PALM2AKAP2: variants seen among roughly 807,000 people sequenced by gnomAD.
PALM2AKAP2 encodes the protein PALM2-AKAP2 fusion protein.
Under a neutral mutation model 71.5 loss-of-function variants are expected in PALM2AKAP2, and 37 were observed. That is an observed-to-expected ratio of 0.52 (90% CI 0.40 to 0.68). PALM2AKAP2 has a LOEUF of 0.68. Ranked by LOEUF, PALM2AKAP2 falls within the 30% of genes least tolerant of loss-of-function variation. The pLI, the probability that PALM2AKAP2 is intolerant of heterozygous loss-of-function variation, is 0.00. For synonymous variants in PALM2AKAP2, 468 were observed against 478.8 expected (o/e 0.98, Z 0.29); for missense variants, 1,224 against 1,191.8 (o/e 1.03, Z -0.40).
chr9:110,035,922 ATT>A (rs1413726306), intron 7 of PALM2AKAP2, among the ~76,000 whole-genome samples: 1 of 150,566 alleles, frequency 6.6e-6, no homozygotes, highest in East Asian at 1.9e-4. Flanking sequence ...TGATATATAT[ATT>A]GTTTTGGTGA....
chr9:110,068,643 C>A (rs1236014217), intron 1 of PALM2AKAP2, among the ~76,000 whole-genome samples: 1 of 152,056 alleles, frequency 6.6e-6, no homozygotes, highest in Admixed American at 6.6e-5. Context: ...GCGATCCTCC[C>A]ACCTCAGCCT....
intron 1 of PALM2AKAP2, among the ~76,000 whole-genome samples, chr9:109,737,239 C>A (rs577251602): frequency 2.0e-5 from 3 of 152,224 alleles, no homozygotes; most frequent in Non-Finnish European, 2.9e-5. Flanking sequence ...AATGTGAGCA[C>A]CAGTGGTCAG....
rs1835810234 is a variant in PALM2AKAP2, at chr9:110,134,775, C to T, written c.157-1352C>T. Among the ~76,000 whole-genome samples, 2 of 152,072 alleles carry T rather than the reference C, an allele frequency of 1.3e-5. 1 individual carries two copies. Among genetic ancestry groups the T allele is most frequent in the South Asian group, 4.1e-4 (2 of 4,826 alleles). Reference sequence around the variant, plus strand: ...CTTAGATAAATGAAAATTACACTCTCTTGCAATTTTGCATTGTCCTATGTC... The same window carrying T: ...CTTAGATAAATGAAAATTACACTCTTTTGCAATTTTGCATTGTCCTATGTC... On this transcript the variant is annotated intron_variant, in intron 1 of 3. Transcript: ENST00000374525.
intron 1 of PALM2AKAP2, among the ~76,000 whole-genome samples, chr9:110,101,440 G>T (rs928828454): frequency 5.3e-5 from 8 of 151,970 alleles, no homozygotes; most frequent in African/African-American, 1.9e-4. Context: ...ACAAATAGAG[G>T]TTAGGGAAAT....
chr9:110,147,359 C>T (rs79248684), intron 2 of PALM2AKAP2, among the ~76,000 whole-genome samples: 2,232 of 152,190 alleles, frequency 0.015, 69 homozygotes, highest in African/African-American at 0.051. Context: ...CTACCACTTG[C>T]TAGCTTTGTG....
intron 1 of PALM2AKAP2, among the ~76,000 whole-genome samples, chr9:109,710,968 C>T (rs1828226019): frequency 1.3e-5 from 2 of 152,138 alleles, no homozygotes; most frequent in Admixed American, 1.3e-4. Context: ...ATCTACACTG[C>T]ATGTTTATTC....
intron 6 of PALM2AKAP2, among the ~76,000 whole-genome samples, chr9:109,968,367 G>C (rs549449173): frequency 2.0e-5 from 3 of 152,152 alleles, no homozygotes; most frequent in Non-Finnish European, 4.4e-5. Context: ...AAATCAACAA[G>C]AGCTATTTTG....
intron 1 of PALM2AKAP2, among the ~76,000 whole-genome samples, chr9:109,764,163 C>T (rs1397310993): frequency 6.6e-6 from 1 of 152,142 alleles, no homozygotes; most frequent in Non-Finnish European, 1.5e-5. Flanking sequence ...AACCCATTCT[C>T]AGTAAAGTAT....
At chr9:109,726,035 C>T (rs1467652836) in intron 1 of PALM2AKAP2, among the ~76,000 whole-genome samples, 1 of 152,190 alleles carries the variant, frequency 6.6e-6, no homozygotes, top group Non-Finnish European at 1.5e-5. Context: ...TGCCCATCAC[C>T]CAGGAGGACT....
intron 1 of PALM2AKAP2, among the ~76,000 whole-genome samples, chr9:109,723,589 A>G (rs1404835244): frequency 6.6e-6 from 1 of 152,258 alleles, no homozygotes; most frequent in East Asian, 1.9e-4. Flanking sequence ...CTAAGGGGAT[A>G]CTGTCCTTGA....
intron 3 of PALM2AKAP2, among the ~76,000 whole-genome samples, chr9:110,164,062 AAT>A (rs988520010): frequency 1.3e-5 from 2 of 152,220 alleles, no homozygotes; most frequent in African/African-American, 4.8e-5. Flanking sequence ...GATTATCAGT[AAT>A]TTTCTTTCAT....
chr9:109,645,462 A>G (rs551496523), intron 1 of PALM2AKAP2, among the ~76,000 whole-genome samples: 18 of 152,242 alleles, frequency 1.2e-4, no homozygotes, highest in African/African-American at 4.3e-4. Flanking sequence ...TTCCAATTTA[A>G]AATGAAACCT....
chr9:110,023,202 A>G (rs1246070079), intron 7 of PALM2AKAP2, among the ~76,000 whole-genome samples: 1 of 151,746 alleles, frequency 6.6e-6, no homozygotes, highest in Non-Finnish European at 1.5e-5. Context: ...CCAACAGTGT[A>G]AAAGTGTTCC....
chr9:110,025,389 G>A (rs1833160848), intron 7 of PALM2AKAP2: 12 of 799,562 alleles, frequency 1.5e-5, no homozygotes, highest in East Asian at 1.2e-4. Context: ...TGGAGGTTCC[G>A]CCCGAAAGGC....
At chr9:109,800,821 C>A (rs1400808785) in intron 1 of PALM2AKAP2, among the ~76,000 whole-genome samples, 1 of 152,092 alleles carries the variant, frequency 6.6e-6, no homozygotes, top group Non-Finnish European at 1.5e-5. Flanking sequence ...ATACAATTTC[C>A]TTTTATAGTC....
At chr9:109,807,923 G>T (rs560964118) in intron 1 of PALM2AKAP2, among the ~76,000 whole-genome samples, 2 of 152,268 alleles carry the variant, frequency 1.3e-5, no homozygotes, top group Admixed American at 6.5e-5. Flanking sequence ...GCTTTTTCCT[G>T]TTTTGCTGGG....
At chr9:110,156,474 C>T (rs953181791) in exon 3 of PALM2AKAP2, 7 of 1,608,998 alleles carry the variant, frequency 4.4e-6, no homozygotes, top group African/African-American at 1.3e-5. Context: ...ATCTAAAAGG[C>T]GCGAGAGAAT....
chr9:109,857,246 C>T (rs1238441246), intron 1 of PALM2AKAP2, among the ~76,000 whole-genome samples: 1 of 152,208 alleles, frequency 6.6e-6, no homozygotes, highest in Non-Finnish European at 1.5e-5. Flanking sequence ...TGAGAACCTT[C>T]CCAACTGCTG....
At chr9:110,163,085 A>G (rs1836644290) in intron 3 of PALM2AKAP2, among the ~76,000 whole-genome samples, 1 of 152,156 alleles carries the variant, frequency 6.6e-6, no homozygotes, top group African/African-American at 2.4e-5. Flanking sequence ...ATGAGAAGGC[A>G]TAATATTTTT....
Sources: gnomAD v4.1 joint callset for allele counts (sites outside exome capture counted in the v4.1 genomes callset) on GRCh38, gnomAD v4.1.1 for gene constraint, MANE v1.5 for transcripts, NCBI Gene and HGNC (gene_info 2026-07-23, HGNC 2026-07-21) for gene names.